RSRC1: variants seen among roughly 807,000 people sequenced by gnomAD.
RSRC1 encodes serine/Arginine-related protein 53.
In RSRC1, 39 loss-of-function variants were observed where a neutral mutation model predicts 49.1. The observed-to-expected ratio is 0.79, with a 90% CI of 0.61 to 1.04. The LOEUF is 1.04. Ranked by LOEUF, RSRC1 falls within the 50% of genes least tolerant of loss-of-function variation. The pLI is 0.00. For synonymous variants in RSRC1, 143 were observed against 130.8 expected (o/e 1.09, Z -0.63); for missense variants, 388 against 402.4 (o/e 0.96, Z 0.31).
intron 3 of RSRC1, among the ~76,000 whole-genome samples, chr3:158,159,486 T>C (rs146068718): frequency 1.8e-4 from 27 of 152,318 alleles, no homozygotes; most frequent in African/African-American, 6.0e-4. Context: ...TGCATAACTT[T>C]GTGGGAGTTA....
chr3:158,249,602 G>T (rs574905237), intron 4 of RSRC1, among the ~76,000 whole-genome samples: 1 of 152,008 alleles, frequency 6.6e-6, no homozygotes, highest in Admixed American at 6.5e-5. Flanking sequence ...TTGTATGGAC[G>T]TATTCTTTCA....
At chr3:158,320,053 A>C (rs1379988531) in intron 5 of RSRC1, among the ~76,000 whole-genome samples, 1 of 152,194 alleles carries the variant, frequency 6.6e-6, no homozygotes, top group Non-Finnish European at 1.5e-5. Flanking sequence ...TTGTTGTTAG[A>C]AATAATTATT....
chr3:158,137,111 C>A (rs1716427309), intron 3 of RSRC1, among the ~76,000 whole-genome samples: 1 of 152,102 alleles, frequency 6.6e-6, no homozygotes, highest in African/African-American at 2.4e-5. Flanking sequence ...ATTATTTCCT[C>A]AACTGGAATG....
At chr3:158,469,391 G>T (rs1738027060) in intron 7 of RSRC1, 3 of 449,940 alleles carry the variant, frequency 6.7e-6, no homozygotes, top group South Asian at 4.8e-5. Context: ...CTGCAAAAAT[G>T]ATTCCCATGA....
chr3:158,198,807 A>AC (rs35129789), intron 3 of RSRC1, among the ~76,000 whole-genome samples: 13 of 151,896 alleles, frequency 8.6e-5, no homozygotes, highest in African/African-American at 3.1e-4. Context: ...TCTTGGCTCC[A>AC]CCCCCCGCAA....
At chr3:158,204,950 G>T (rs1224687477) in intron 4 of RSRC1, among the ~76,000 whole-genome samples, 2 of 152,080 alleles carry the variant, frequency 1.3e-5, no homozygotes, top group African/African-American at 2.4e-5. Flanking sequence ...GTTAAAAAGG[G>T]TTCTCATATG....
At chr3:158,195,912 A>T (rs1207371457) in intron 3 of RSRC1, among the ~76,000 whole-genome samples, 7 of 152,002 alleles carry the variant, frequency 4.6e-5, no homozygotes, top group Admixed American at 1.3e-4. Flanking sequence ...CTTGTAGTAT[A>T]GTTTGAAGTC....
At chr3:158,357,722 G>C (rs1731233261) in intron 6 of RSRC1, among the ~76,000 whole-genome samples, 1 of 152,176 alleles carries the variant, frequency 6.6e-6, no homozygotes. Flanking sequence ...TCAAGGTTGA[G>C]ATAAATGGAT....
chr3:158,199,251 A>G (rs74911586), intron 3 of RSRC1, among the ~76,000 whole-genome samples: 11,671 of 152,186 alleles, frequency 0.077, 542 homozygotes, highest in South Asian at 0.13. Flanking sequence ...ATGTAGGTCT[A>G]ATAAACCTCT....
intron 3 of RSRC1, among the ~76,000 whole-genome samples, chr3:158,174,033 A>T (rs1719048993): frequency 6.6e-6 from 1 of 151,974 alleles, no homozygotes; most frequent in African/African-American, 2.4e-5. Context: ...TTGTGGTCGT[A>T]CAACTTGGTA....
At chr3:158,132,508 G>A (rs1444340314) in intron 3 of RSRC1, among the ~76,000 whole-genome samples, 1 of 152,068 alleles carries the variant, frequency 6.6e-6, no homozygotes, top group Admixed American at 6.6e-5. Flanking sequence ...TAACATTGTA[G>A]TACTCTTTAT....
Position 158,149,576 on chromosome 3 carries a change from G to A in RSRC1, c.320+25585G>A, listed in dbSNP as rs571664521. On this transcript the variant is annotated intron_variant, in intron 3 of 9. Coordinates refer to ENST00000611884, the MANE Select transcript of RSRC1 (RefSeq NM_001271838.2). ...TGAATACATGCACATTCACTTATTC[G>A]TATTTGAGGGTAAAATATATTTGGA... Among the ~76,000 whole-genome samples the A allele has an allele frequency of 8.5e-5, 13 of 152,262 alleles. No homozygotes were observed. In the South Asian group the frequency reaches 1.0e-3, roughly 12 times the overall value.
At chr3:158,285,771 A>T (rs9838196) in intron 4 of RSRC1, among the ~76,000 whole-genome samples, 93,278 of 151,874 alleles carry the variant, frequency 0.61, 29,007 homozygotes, top group East Asian at 0.73. Context: ...GAAGTTGCTT[A>T]TCAGCTTAAG....
intron 6 of RSRC1, among the ~76,000 whole-genome samples, chr3:158,380,287 A>G (rs138260812): frequency 5.8e-4 from 89 of 152,140 alleles, no homozygotes; most frequent in African/African-American, 2.0e-3. Context: ...CTGCTTTGTG[A>G]CTTTTGCTGA....
At chr3:158,334,854 G>A (rs1250256598) in intron 5 of RSRC1, among the ~76,000 whole-genome samples, 1 of 152,090 alleles carries the variant, frequency 6.6e-6, no homozygotes, top group African/African-American at 2.4e-5. Flanking sequence ...TCTGCTTAGT[G>A]GCATAATGTG....
chr3:158,510,396 T>A (rs79121405), intron 7 of RSRC1, among the ~76,000 whole-genome samples: 2 of 152,206 alleles, frequency 1.3e-5, no homozygotes, highest in Non-Finnish European at 2.9e-5. Context: ...AGTCCTTTTA[T>A]GTTTTATATT....
At chr3:158,322,213 A>C (rs1221325217) in intron 5 of RSRC1, among the ~76,000 whole-genome samples, 1 of 152,040 alleles carries the variant, frequency 6.6e-6, no homozygotes, top group Non-Finnish European at 1.5e-5. Context: ...TTTTTGTTGG[A>C]TATAGAATTG....
chr3:158,434,511 A>G (rs909282295), intron 6 of RSRC1, among the ~76,000 whole-genome samples: 3 of 151,988 alleles, frequency 2.0e-5, no homozygotes, highest in African/African-American at 2.4e-5. Flanking sequence ...TAAGAATTCT[A>G]CAAACACCGA....
chr3:158,325,455 AGTTT>A (rs1361848675), intron 5 of RSRC1, among the ~76,000 whole-genome samples: 1 of 152,230 alleles, frequency 6.6e-6, no homozygotes, highest in East Asian at 1.9e-4. Context: ...ATGGCTAGCC[AGTTT>A]TCCCAGAACC....
Sources: gnomAD v4.1 joint callset for allele counts (sites outside exome capture counted in the v4.1 genomes callset) on GRCh38, gnomAD v4.1.1 for gene constraint, MANE v1.5 for transcripts, NCBI Gene and HGNC (gene_info 2026-07-23, HGNC 2026-07-21) for gene names.